The following TRIO variants were observed in gnomAD, a reference collection of about 807,000 sequenced individuals.
TRIO encodes triple functional domain protein.
TRIO carries 58 observed loss-of-function variants against 351.9 expected under a neutral mutation model. The ratio of observed to expected loss-of-function variants is 0.16; its 90% CI spans 0.13 to 0.21. The LOEUF (loss-of-function observed/expected upper bound fraction) is 0.21, where lower values mean the gene tolerates loss of function less well. Ranked by LOEUF, TRIO falls within the 10% of genes least tolerant of loss-of-function variation. TRIO has a pLI of 1.00. For missense variants in TRIO, 3,201 were observed against 4,027.8 expected (o/e 0.79, Z 5.56); for synonymous variants, 1,758 against 1,595.7 (o/e 1.10, Z -2.42).
Position 14,498,614 on chromosome 5 carries a change from C to T in TRIO, c.8306C>T (p.Ser2769Leu), listed in dbSNP as rs1490774175. The change falls in exon 53 of 57, where the codon TCA becomes TTA. Residue 2769 changes from serine to leucine, a missense_variant. Physicochemically the swap from Ser to Leu is moderately radical, Grantham distance 145 (BLOSUM62 -2). Transcript: ENST00000344204. ...GCTGTCAATGACATGGGTTCAGCCT[C>T]ATCGTCGGCCAGCCTGAGGGTCCTA... ...CIAVNDMGSA[S>L]SSASLRVLGP... 2.5e-6 allele frequency: 4 copies of T among 1,614,010 alleles called. No individual in the cohort carries two copies. Among genetic ancestry groups the T allele is most frequent in the Non-Finnish European group, 2.5e-6 (3 of 1,179,840 alleles).
At chr5:14,333,955 C>G (rs1332679896) in intron 10 of TRIO, among the ~76,000 whole-genome samples, 1 of 152,220 alleles carries the variant, frequency 6.6e-6, no homozygotes, top group Non-Finnish European at 1.5e-5. Context: ...CTCTCAGACT[C>G]TCAAATGCTC....
chr5:14,359,302 T>C, intron 12 of TRIO, 55 bp from the exon 13 acceptor site: 1 of 1,576,814 alleles, frequency 6.3e-7, no homozygotes, highest in Non-Finnish European at 8.7e-7. Context: ...GGATCTGGTA[T>C]CTAACAATGT....
intron 34 of TRIO, among the ~76,000 whole-genome samples, chr5:14,445,980 T>A (rs1428309944): frequency 6.6e-6 from 1 of 152,254 alleles, no homozygotes; most frequent in Non-Finnish European, 1.5e-5. Context: ...CACTGTCGCC[T>A]CCGGTCTGTG....
At chr5:14,382,399 G>C (rs904593919) in intron 21 of TRIO, among the ~76,000 whole-genome samples, 2 of 151,916 alleles carry the variant, frequency 1.3e-5, no homozygotes, top group Non-Finnish European at 2.9e-5. Context: ...CCTTTCCCTC[G>C]GCCCTGAGGT....
Position 14,151,386 on chromosome 5 carries a change from T to G in TRIO, c.157+7504T>G, listed in dbSNP as rs28472432. Among the ~76,000 whole-genome samples the G allele has an allele frequency of 6.8e-3, 1,010 of 148,742 alleles. 5 individuals are homozygous for G. Among genetic ancestry groups the G allele is most frequent in the African/African-American group, 0.022 (903 of 40,574 alleles). On this transcript the variant is annotated intron_variant, in intron 1 of 56. Transcript: ENST00000344204. ...TTTTTCATTGTGTGTGTGTGTGTGT[T>G]TGTGTGTGTGTGTGTGTGTGTGTAT... is the stretch of plus-strand genomic sequence containing the variant.
chr5:14,311,225 C>T (rs750365786), intron 8 of TRIO, among the ~76,000 whole-genome samples: 14 of 152,244 alleles, frequency 9.2e-5, no homozygotes, highest in Non-Finnish European at 1.6e-4. Flanking sequence ...AACTGACTCA[C>T]GCCAACTGGG....
At chr5:14,262,935 A>G (rs1217853248) in intron 1 of TRIO, among the ~76,000 whole-genome samples, 1 of 152,032 alleles carries the variant, frequency 6.6e-6, no homozygotes, top group Non-Finnish European at 1.5e-5. Context: ...CTATCAGTCA[A>G]AACCCACTAT....
Position 14,465,532 on chromosome 5 carries a change from A to T in TRIO, c.5668-13A>T, listed in dbSNP as rs1347389420. Reference sequence around the variant, plus strand: ...CTTGCCCCACCCCCTCCTTTTCTTAATTTCTTCTGTAGGCCTCTTCTCGGT... The same window carrying T: ...CTTGCCCCACCCCCTCCTTTTCTTATTTTCTTCTGTAGGCCTCTTCTCGGT... On this transcript the variant is annotated splice_polypyrimidine_tract_variant and intron_variant, in intron 36 of 56. Transcript: ENST00000344204. 1 of 1,613,486 alleles carries T rather than the reference A, an allele frequency of 6.2e-7. No homozygotes were observed. The highest frequency in any genetic ancestry group is 1.3e-5 in the African/African-American group (1 of 74,842).
chr5:14,480,038 G>A (rs752081407), intron 43 of TRIO, 27 bp downstream of exon 43: 3 of 1,605,216 alleles, frequency 1.9e-6, no homozygotes, highest in South Asian at 2.2e-5. Context: ...ACAAACTCTG[G>A]TGTCAGGAGT....
At chr5:14,219,825 A>G (rs1470054895) in intron 1 of TRIO, among the ~76,000 whole-genome samples, 1 of 152,150 alleles carries the variant, frequency 6.6e-6, no homozygotes, top group Non-Finnish European at 1.5e-5. Context: ...GTATTTTTCA[A>G]GCAGCATGTG....
intron 47 of TRIO, among the ~76,000 whole-genome samples, chr5:14,485,903 A>G (rs576088241): frequency 5.4e-4 from 82 of 152,074 alleles, no homozygotes; most frequent in African/African-American, 2.0e-3. Context: ...CAGGAGAATC[A>G]CTTGAACCCA....
chr5:14,488,399 C>A (rs1014863906), intron 48 of TRIO, 139 bp downstream of exon 48: 2 of 1,326,256 alleles, frequency 1.5e-6, no homozygotes, highest in Admixed American at 2.8e-5. Context: ...TGGGACCAGG[C>A]TAACCCTCCT....
At chr5:14,483,213 G>T (rs1755663138) in intron 46 of TRIO, among the ~76,000 whole-genome samples, 1 of 152,224 alleles carries the variant, frequency 6.6e-6, no homozygotes, top group African/African-American at 2.4e-5. Context: ...CCAGCTGGAT[G>T]CCCTCCCTGC....
chr5:14,303,260 G>A (rs528426906), intron 7 of TRIO, among the ~76,000 whole-genome samples: 11 of 144,024 alleles, frequency 7.6e-5, no homozygotes, highest in South Asian at 7.0e-4. Context: ...CCGCAGGACC[G>A]TTGATGATCC....
intron 1 of TRIO, among the ~76,000 whole-genome samples, chr5:14,169,172 CT>C (rs1035539715): frequency 9.1e-5 from 11 of 121,266 alleles, no homozygotes; most frequent in African/African-American, 1.9e-4. Context: ...CCGTTATATT[CT>C]TTTTTAATGG....
At chr5:14,442,503 C>T (rs561892774) in intron 34 of TRIO, among the ~76,000 whole-genome samples, 3 of 152,118 alleles carry the variant, frequency 2.0e-5, no homozygotes, top group South Asian at 2.1e-4. Context: ...GAGTTGGCTG[C>T]GTGAATGTTG....
At chr5:14,406,357 T>C in intron 32 of TRIO, 1 of 579,066 alleles carries the variant, frequency 1.7e-6, no homozygotes, top group Non-Finnish European at 3.1e-6. Context: ...TATTTTATGG[T>C]GATGGGAATC....
chr5:14,406,081 CAA>C, intron 32 of TRIO, 91 bp downstream of exon 32: 1 of 1,513,414 alleles, frequency 6.6e-7, no homozygotes, highest in Non-Finnish European at 8.9e-7. Flanking sequence ...TCCTTTCTCT[CAA>C]ACATTTTGAG....
At chr5:14,340,369 C>T (rs1741833410) in intron 11 of TRIO, among the ~76,000 whole-genome samples, 1 of 149,924 alleles carries the variant, frequency 6.7e-6, no homozygotes, top group African/African-American at 2.5e-5. Flanking sequence ...TGCACTCCAG[C>T]CTGGGCAACA....
Sources: allele counts gnomAD v4.1 joint callset (sites outside exome capture counted in the v4.1 genomes callset), GRCh38; gene constraint gnomAD v4.1.1; transcripts MANE v1.5; gene names NCBI Gene and HGNC (gene_info 2026-07-23, HGNC 2026-07-21).